The following NENF variants were observed in gnomAD, a reference collection of about 807,000 sequenced individuals.
NENF encodes the protein neudesin neurotrophic factor, also known as neudesin.
Under a neutral mutation model 14.8 loss-of-function variants are expected in NENF, and 6 were observed. That is an observed-to-expected ratio of 0.40 (90% CI 0.22 to 0.80). The LOEUF (loss-of-function observed/expected upper bound fraction) is 0.80, where lower values mean the gene tolerates loss of function less well. Among genes scored for constraint, NENF ranks in the 30% least tolerant of loss-of-function variants. The probability of loss-of-function intolerance (pLI) is 0.34; values close to 1 mark genes in which losing one functional copy is unlikely to be tolerated. For synonymous variants in NENF, 76 were observed against 95.1 expected (o/e 0.80, Z 1.17); for missense variants, 184 against 212.7 (o/e 0.87, Z 0.84).
At chr1:212,434,989 G>C (rs1473059211) in intron 1 of NENF, 3 of 152,538 alleles carry the variant, frequency 2.0e-5, no homozygotes, top group African/African-American at 4.8e-5. Flanking sequence ...CGAGGGACGA[G>C]AGAGGCAGTT....
At chr1:212,441,747 T>C (rs1304612259) in intron 1 of NENF, among the ~76,000 whole-genome samples, 2 of 151,586 alleles carry the variant, frequency 1.3e-5, no homozygotes, top group African/African-American at 2.4e-5. Context: ...CATTGCGCCA[T>C]TGCACTCCAG....
In NENF at chr1:212,444,321, C is replaced by G; in HGVS notation, c.239-18C>G. 1 of 1,539,144 alleles carries G rather than the reference C, an allele frequency of 6.5e-7. No individual in the cohort carries two copies. The highest frequency in any genetic ancestry group is 8.9e-7 in the Non-Finnish European group (1 of 1,129,802). Reference sequence around the variant, plus strand: ...ATGTAAACCCACGCTTACGTCTCTTCCTTCCTTCCCACTACAGAGTTTTAT... The same window carrying G: ...ATGTAAACCCACGCTTACGTCTCTTGCTTCCTTCCCACTACAGAGTTTTAT... On this transcript the variant is annotated intron_variant, in intron 2 of 3. Transcript: ENST00000366988.
At chr1:212,440,654 G>A (rs1571703365) in intron 1 of NENF, among the ~76,000 whole-genome samples, 1 of 152,154 alleles carries the variant, frequency 6.6e-6, no homozygotes, top group South Asian at 2.1e-4. Flanking sequence ...CAGCATTCCC[G>A]AGGCAAGTGG....
In NENF at chr1:212,433,838, C is replaced by T. The variant is rs1404303974; in HGVS notation, c.177+718C>T. On this transcript the variant is annotated intron_variant, in intron 1 of 3. Coordinates refer to ENST00000366988, the MANE Select transcript of NENF (RefSeq NM_013349.5). This position sits in a 1 kb window ranked among gnomAD's most constrained non-coding sequence, Gnocchi z 5.5. ...CACCTGGGTTGGTTGGGACTGGAGC[C>T]GCACGACAAGGACCAACAGGGGGCT... 6.6e-6 allele frequency among the ~76,000 whole-genome samples: 1 copy of T among 152,050 alleles called. No individual in the cohort carries two copies. The highest frequency in any genetic ancestry group is 2.4e-5 in the African/African-American group (1 of 41,404).
rs765066974 is a variant in NENF at position 212,442,658 on chromosome 1, C to T, written c.238+33C>T. 14 of 1,553,158 alleles carry T rather than the reference C, an allele frequency of 9.0e-6. No individual in the cohort carries two copies. The African/African-American group carries it at 1.6e-4, about 18-fold the overall frequency. On this transcript the variant is annotated intron_variant, in intron 2 of 3. Transcript: ENST00000366988. Reference sequence around the variant, plus strand: ...GTGTGGCATTTTGAATCTTCATTTCCAGGGAGCACAGAAGCCAGAGTGAGC... The same window carrying T: ...GTGTGGCATTTTGAATCTTCATTTCTAGGGAGCACAGAAGCCAGAGTGAGC...
intron 1 of NENF, among the ~76,000 whole-genome samples, chr1:212,436,307 C>CTT (rs71573839): frequency 0.028 from 3,162 of 112,512 alleles, 181 homozygotes; most frequent in African/African-American, 0.084. Flanking sequence ...GCCCATGGGT[C>CTT]TTTTTTTTTT....
rs554751617 is a variant in NENF, at chr1:212,445,758, T to A, written c.343-72T>A. 2.7e-6 allele frequency: 4 copies of A among 1,499,486 alleles called. No individual in the cohort carries two copies. In the South Asian group the frequency reaches 4.9e-5, roughly 18 times the overall value. 92.9% of individuals were successfully genotyped at this position (1,499,486 alleles called of 1,614,324 possible). On this transcript the variant is annotated intron_variant, in intron 3 of 3. Transcript: ENST00000366988. ...AGGGATGTGGGAGGCAAGGCAGGGATGGAGAAAGGCCAGTGCCAAACACTA... is the reference window on the plus strand; with the variant it reads ...AGGGATGTGGGAGGCAAGGCAGGGAAGGAGAAAGGCCAGTGCCAAACACTA...
Position 212,433,402 on chromosome 1 carries a change from G to C in NENF, c.177+282G>C, listed in dbSNP as rs3754144. 0.11 allele frequency among the ~76,000 whole-genome samples: 17,220 copies of C among 152,038 alleles called. 1,487 individuals carry two copies. The highest frequency in any genetic ancestry group is 0.38 in the East Asian group (1,951 of 5,108). On this transcript the variant is annotated intron_variant, in intron 1 of 3. Coordinates refer to ENST00000366988, the MANE Select transcript of NENF (RefSeq NM_013349.5). The surrounding 1 kb of genome is among the most constrained non-coding windows in gnomAD (Gnocchi z 5.5). The stretch of plus-strand genomic sequence containing the variant: ...AGATTTCCCCTCTAGCCGCCTTTTC[G>C]TTGATGATCTGCGTACAGACCTCAG...
Position 212,442,034 on chromosome 1 carries a change from C to T in NENF, c.178-531C>T, listed in dbSNP as rs1001619268. 3.3e-5 allele frequency among the ~76,000 whole-genome samples: 5 copies of T among 152,002 alleles called. No homozygotes were observed. The East Asian group carries it at 5.8e-4, about 18-fold the overall frequency. ...GTTCCTGATTTTCTTTTTTTTGAGA[C>T]GGAGTCTCACTGTGTCACCCAGGCT... On this transcript the variant is annotated intron_variant, in intron 1 of 3. Coordinates refer to ENST00000366988, the MANE Select transcript of NENF (RefSeq NM_013349.5).
At chr1:212,437,366 A>G (rs1245669575) in intron 1 of NENF, among the ~76,000 whole-genome samples, 1 of 152,166 alleles carries the variant, frequency 6.6e-6, no homozygotes, top group African/African-American at 2.4e-5. Context: ...GGTATTGCAT[A>G]ATATATGGTA....
chr1:212,436,730 G>A (rs1199606559), intron 1 of NENF, among the ~76,000 whole-genome samples: 2 of 152,072 alleles, frequency 1.3e-5, no homozygotes, highest in African/African-American at 2.4e-5. Context: ...TTGAATAACT[G>A]GGTACAGTAA....
chr1:212,436,052 AG>A (rs779705603), intron 1 of NENF, among the ~76,000 whole-genome samples: 3 of 152,220 alleles, frequency 2.0e-5, no homozygotes, highest in Admixed American at 6.5e-5. Flanking sequence ...CATCCTGAGA[AG>A]GAAGAGGAGT....
At chr1:212,444,531 G>A (rs1427996793) in intron 3 of NENF, 89 bp downstream of exon 3, 2 of 405,166 alleles carry the variant, frequency 4.9e-6, no homozygotes, top group African/African-American at 2.6e-5. Flanking sequence ...GTGTGTGTGT[G>A]TGTGTGTGTG....
At chr1:212,444,306 A>G (rs756772882) in intron 2 of NENF, 33 bp from the exon 3 acceptor site, 10 of 1,479,006 alleles carry the variant, frequency 6.8e-6, no homozygotes, top group Non-Finnish European at 9.2e-6. Flanking sequence ...ATGTAAACCC[A>G]CGCTTACGTC....
chr1:212,438,679 G>A (rs1218273433), intron 1 of NENF, among the ~76,000 whole-genome samples: 4 of 147,738 alleles, frequency 2.7e-5, no homozygotes, highest in African/African-American at 1.0e-4. Flanking sequence ...GAGTGCAGTA[G>A]TGTGATCTTG....
chr1:212,443,047 C>T (rs1403804869), intron 2 of NENF, among the ~76,000 whole-genome samples: 1 of 152,124 alleles, frequency 6.6e-6, no homozygotes, highest in East Asian at 1.9e-4. Context: ...GGCCTTCCTT[C>T]CATTTTAAAT....
chr1:212,433,286 G>T lies in NENF; in HGVS notation c.177+166G>T, dbSNP rs1367948719. Among the ~76,000 whole-genome samples, 1 of 151,992 alleles carries T rather than the reference G, an allele frequency of 6.6e-6. No homozygotes were observed. The highest frequency in any genetic ancestry group is 2.4e-5 in the African/African-American group (1 of 41,430). On this transcript the variant is annotated intron_variant, in intron 1 of 3. Coordinates refer to ENST00000366988, the MANE Select transcript of NENF (RefSeq NM_013349.5). This position sits in a 1 kb window ranked among gnomAD's most constrained non-coding sequence, Gnocchi z 5.5. ...GGCCTCCTCTCTCTAGGCCCCGAAG[G>T]ATGGCCGAGGGGTGAGGACGAGTCC...
chr1:212,444,477 A>T, intron 3 of NENF, 35 bp downstream of exon 3: 2 of 1,382,012 alleles, frequency 1.4e-6, no homozygotes, highest in Non-Finnish European at 2.0e-6. Context: ...AAAATCCTCT[A>T]CCTCCTTGTC....
chr1:212,437,445 TTTCTGCTG>T (rs1233410413), intron 1 of NENF, among the ~76,000 whole-genome samples: 5 of 151,706 alleles, frequency 3.3e-5, no homozygotes, highest in Non-Finnish European at 7.4e-5. Context: ...CCCCCAAGAG[TTTCTGCTG>T]TGGGATTGTG....
Sources: allele counts gnomAD v4.1 joint callset (sites outside exome capture counted in the v4.1 genomes callset), GRCh38; gene constraint gnomAD v4.1.1; non-coding constraint Gnocchi (gnomAD v3.1); transcripts MANE v1.5; gene names NCBI Gene and HGNC (gene_info 2026-07-23, HGNC 2026-07-21).